Variants in PINX1 observed in about 807,000 individuals in gnomAD.
PINX1 encodes the protein PIN2 (TERF1) interacting telomerase inhibitor 1, also known as PIN2/TERF1-interacting telomerase inhibitor 1.
A neutral mutation model predicts 25.4 loss-of-function variants in PINX1; 34 were observed. The ratio of observed to expected loss-of-function variants is 1.34; its 90% CI spans 1.02 to 1.78. The LOEUF is 1.78. PINX1 is among the 40% of genes most tolerant of loss of function. The probability of loss-of-function intolerance (pLI) is 0.00; values close to 1 mark genes in which losing one functional copy is unlikely to be tolerated. For missense variants in PINX1, 592 were observed against 404.9 expected (o/e 1.46, Z -3.97); for synonymous variants, 197 against 147.7 (o/e 1.33, Z -2.42).
intron 4 of PINX1, among the ~76,000 whole-genome samples, chr8:10,829,285 C>CAAAAAAA (rs57684473): frequency 1.1e-5 from 1 of 90,510 alleles, no homozygotes; most frequent in African/African-American, 4.1e-5. Flanking sequence ...GACTCCATCT[C>CAAAAAAA]AAAAAAAAAA....
chr8:10,779,496 T>A (rs575138728), intron 6 of PINX1, among the ~76,000 whole-genome samples: 1 of 152,136 alleles, frequency 6.6e-6, no homozygotes, highest in Non-Finnish European at 1.5e-5. Context: ...GGGAAATACA[T>A]AAAGACAAAA....
At chr8:10,788,072 A>G (rs1801808285) in intron 6 of PINX1, among the ~76,000 whole-genome samples, 1 of 152,108 alleles carries the variant, frequency 6.6e-6, no homozygotes, top group Admixed American at 6.5e-5. Context: ...TCTTTTAGAT[A>G]TATAATACAT....
intron 6 of PINX1, among the ~76,000 whole-genome samples, chr8:10,800,692 ACTC>A (rs1252502796): frequency 6.6e-6 from 1 of 151,424 alleles, no homozygotes; most frequent in Non-Finnish European, 1.5e-5. Flanking sequence ...CTGGTCTTGA[ACTC>A]CTGACCTCAA....
At chr8:10,818,218 G>C (rs1409161855) in intron 6 of PINX1, among the ~76,000 whole-genome samples, 2 of 152,102 alleles carry the variant, frequency 1.3e-5, no homozygotes, top group African/African-American at 4.8e-5. Flanking sequence ...CACAAAACAC[G>C]ATGTTGCATC....
intron 3 of PINX1, 89 bp from the exon 4 acceptor site, chr8:10,831,832 G>A: frequency 1.4e-6 from 1 of 728,208 alleles, no homozygotes; most frequent in Non-Finnish European, 2.4e-6. Context: ...AGGAAATCCA[G>A]TGGTTAATTA....
rs192628830 is a variant in PINX1 at position 10,820,163 on chromosome 8, G to A, written c.471+30C>T. The A allele has an allele frequency of 6.9e-5, 95 of 1,367,544 alleles. No homozygotes were observed. The East Asian group carries it at 8.0e-4, about 12-fold the overall frequency. 84.7% of individuals were successfully genotyped at this position (1,367,544 alleles called of 1,614,324 possible). On this transcript the variant is annotated intron_variant, in intron 6 of 6. Coordinates refer to ENST00000314787, the MANE Select transcript of PINX1 (RefSeq NM_017884.6). Reference sequence around the variant, plus strand: ...GGTGAAAATCAGACAGTATTAAAGCGGAACACGGAAACTGTACGTGGCTTT... The same window carrying A: ...GGTGAAAATCAGACAGTATTAAAGCAGAACACGGAAACTGTACGTGGCTTT...
intron 6 of PINX1, among the ~76,000 whole-genome samples, chr8:10,785,189 T>C (rs1280767478): frequency 6.6e-6 from 1 of 152,372 alleles, no homozygotes; most frequent in African/African-American, 2.4e-5. Context: ...AAGATTACAA[T>C]TTAAAGACAG....
At position 10,819,905 on chromosome 8, in the gene PINX1, C is replaced by T. The variant is rs1229490401; in HGVS notation, c.471+288G>A. Reference sequence around the variant, plus strand: ...GAGATATTTTCCCCTCTGATTGTATCGGCAATGGGTGTTCTTCCCCAAGTT... The same window carrying T: ...GAGATATTTTCCCCTCTGATTGTATTGGCAATGGGTGTTCTTCCCCAAGTT... On this transcript the variant is annotated intron_variant, in intron 6 of 6. Transcript: ENST00000314787. Among the ~76,000 whole-genome samples, 3 of 152,160 alleles carry T rather than the reference C, an allele frequency of 2.0e-5. No individual in the cohort carries two copies. The East Asian group carries it at 5.8e-4, about 29-fold the overall frequency.
chr8:10,815,946 C>A (rs1370621417), intron 6 of PINX1, among the ~76,000 whole-genome samples: 8 of 152,164 alleles, frequency 5.3e-5, no homozygotes, highest in African/African-American at 1.9e-4. Flanking sequence ...GGGTAGTGAC[C>A]CCTGCAGATC....
At chr8:10,816,200 G>A (rs1169385385) in intron 6 of PINX1, among the ~76,000 whole-genome samples, 1 of 152,210 alleles carries the variant, frequency 6.6e-6, no homozygotes, top group Non-Finnish European at 1.5e-5. Flanking sequence ...AGAGCTGTAT[G>A]AGCAGATGGT....
intron 6 of PINX1, among the ~76,000 whole-genome samples, chr8:10,800,765 C>T (rs1033217667): frequency 4.1e-4 from 63 of 152,246 alleles, no homozygotes; most frequent in African/African-American, 1.3e-3. Context: ...TCACTACGCC[C>T]GGCCAAGAAT....
chr8:10,804,035 G>A lies in PINX1; in HGVS notation c.471+16158C>T, dbSNP rs140943365. 4.6e-3 allele frequency among the ~76,000 whole-genome samples: 704 copies of A among 152,310 alleles called. 9 individuals carry two copies. Among genetic ancestry groups the A allele is most frequent in the Middle Eastern group, 0.024 (7 of 294 alleles). ...TCATATAGTTACCTAGTTACCTAGT[G>A]AGCAACTACTAACGACCCTGAGCCA... is the stretch of plus-strand genomic sequence containing the variant. On this transcript the variant is annotated intron_variant, in intron 6 of 6. Transcript: ENST00000314787.
intron 6 of PINX1, among the ~76,000 whole-genome samples, chr8:10,817,022 G>C (rs975228529): frequency 6.6e-6 from 1 of 152,216 alleles, no homozygotes; most frequent in African/African-American, 2.4e-5. Context: ...TACGATGGCA[G>C]TCAGGAGCTG....
chr8:10,834,313 C>G (rs1171670352), intron 2 of PINX1: 2 of 194,780 alleles, frequency 1.0e-5, no homozygotes, highest in Non-Finnish European at 2.1e-5. Flanking sequence ...AAACAAGCGG[C>G]CCACTGATTT....
At chr8:10,809,433 C>T (rs12681861) in intron 6 of PINX1, among the ~76,000 whole-genome samples, 1 of 152,194 alleles carries the variant, frequency 6.6e-6, no homozygotes, top group Non-Finnish European at 1.5e-5. Context: ...TTCCTTTTAT[C>T]AAAAGCTGTG....
chr8:10,838,826 T>C lies in PINX1; in HGVS notation c.19+912A>G, dbSNP rs186012954. On this transcript the variant is annotated intron_variant, in intron 1 of 6. Coordinates refer to ENST00000314787, the MANE Select transcript of PINX1 (RefSeq NM_017884.6). ...CCTCAATGACTAGGGGCAAATTATT[T>C]TCCTTTGAACGTCAATTTCTGCCCC... is the stretch of plus-strand genomic sequence containing the variant. Among the ~76,000 whole-genome samples, 21 of 152,348 alleles carry C rather than the reference T, an allele frequency of 1.4e-4. No homozygotes were observed. The East Asian group carries it at 3.7e-3, about 27-fold the overall frequency.
Position 10,832,994 on chromosome 8 carries a change from T to G in PINX1, c.130-10A>C. The stretch of plus-strand genomic sequence containing the variant: ...CCTGAGCCCCTAAACCCTGTGGAGA[T>G]TAAACACAGAGAGTTAGAACATTCC... On this transcript the variant is annotated splice_polypyrimidine_tract_variant and intron_variant, in intron 2 of 6. Coordinates refer to ENST00000314787, the MANE Select transcript of PINX1 (RefSeq NM_017884.6). The G allele has an allele frequency of 6.4e-7, 1 of 1,561,012 alleles. No homozygotes were observed. Among genetic ancestry groups the G allele is most frequent in the East Asian group, 2.3e-5 (1 of 44,432 alleles).
chr8:10,833,054 A>G (rs1163203515), intron 2 of PINX1, 70 bp from the exon 3 acceptor site: 1 of 922,970 alleles, frequency 1.1e-6, no homozygotes, highest in Admixed American at 2.5e-5. Flanking sequence ...CACTGCTACA[A>G]AACTCACAGA....
At chr8:10,792,477 C>A (rs944021073) in intron 6 of PINX1, among the ~76,000 whole-genome samples, 1 of 152,096 alleles carries the variant, frequency 6.6e-6, no homozygotes, top group South Asian at 2.1e-4. Flanking sequence ...GCTGTGCGCT[C>A]CCTGAAGGGA....
Sources: gnomAD v4.1 joint callset for allele counts (sites outside exome capture counted in the v4.1 genomes callset) on GRCh38, gnomAD v4.1.1 for gene constraint, MANE v1.5 for transcripts, NCBI Gene and HGNC (gene_info 2026-07-23, HGNC 2026-07-21) for gene names.